The following CRACR2A variants were observed in gnomAD, a reference collection of about 807,000 sequenced individuals.
CRACR2A encodes the protein calcium release activated channel regulator 2A.
Under a neutral mutation model 90.5 loss-of-function variants are expected in CRACR2A, and 79 were observed. That is an observed-to-expected ratio of 0.87 (90% CI 0.73 to 1.05). The LOEUF (loss-of-function observed/expected upper bound fraction) is 1.05. Among genes scored for constraint, CRACR2A ranks in the 50% least tolerant of loss-of-function variants. The pLI is 0.00. For missense variants in CRACR2A, 823 were observed against 897.2 expected, an observed-to-expected ratio of 0.92 and a Z score of 1.06; for synonymous variants, 338 against 356.7, an observed-to-expected ratio of 0.95 and a Z score of 0.59.
intron 1 of CRACR2A, among the ~76,000 whole-genome samples, chr12:3,740,699 G>A (rs1946511157): frequency 6.6e-6 from 1 of 152,150 alleles, no homozygotes. Context: ...CATCAACAGA[G>A]AGATCATCTC....
At chr12:3,660,560 C>T (rs961947801) in intron 7 of CRACR2A, among the ~76,000 whole-genome samples, 3 of 152,012 alleles carry the variant, frequency 2.0e-5, no homozygotes, top group Non-Finnish European at 4.4e-5. Context: ...TTTTCTGCTT[C>T]CCCCCTCTCC....
At chr12:3,705,446 C>T (rs1016768902) in intron 3 of CRACR2A, among the ~76,000 whole-genome samples, 4 of 152,362 alleles carry the variant, frequency 2.6e-5, no homozygotes, top group Middle Eastern at 3.4e-3. Context: ...TCTCCTTCCA[C>T]ACCACACCAG....
intron 2 of CRACR2A, among the ~76,000 whole-genome samples, chr12:3,722,393 A>G (rs1278767832): frequency 2.0e-5 from 3 of 152,220 alleles, no homozygotes; most frequent in Non-Finnish European, 4.4e-5. Context: ...CAGAAAGTTT[A>G]GGTAACCCAC....
At chr12:3,645,876 G>GT in intron 11 of CRACR2A, among the ~76,000 whole-genome samples, 1 of 152,188 alleles carries the variant, frequency 6.6e-6, no homozygotes, top group Non-Finnish European at 1.5e-5. Flanking sequence ...ACATTTGTAG[G>GT]TATCTTCAAA....
intron 11 of CRACR2A, among the ~76,000 whole-genome samples, chr12:3,646,882 C>G (rs903860768): frequency 1.3e-5 from 2 of 152,188 alleles, no homozygotes; most frequent in African/African-American, 4.8e-5. Flanking sequence ...GTTTGCATCG[C>G]TGCTCTACTG....
chr12:3,733,336 C>T (rs557790526), intron 1 of CRACR2A, 126 bp from the exon 2 acceptor site: 1 of 152,426 alleles, frequency 6.6e-6, no homozygotes, highest in South Asian at 2.1e-4. Context: ...TTTATCCTTT[C>T]CTCCTTTCTA....
intron 1 of CRACR2A, among the ~76,000 whole-genome samples, chr12:3,733,988 T>TTTTTTTTTTTG (rs10650778): frequency 6.7e-6 from 1 of 148,314 alleles, no homozygotes; most frequent in Non-Finnish European, 1.5e-5. Context: ...TTTTTTTTTT[T>TTTTTTTTTTTG]GAGATGGAGT....
intron 11 of CRACR2A, 32 bp downstream of exon 11, chr12:3,648,510 C>A: frequency 1.2e-6 from 2 of 1,614,074 alleles, no homozygotes; most frequent in East Asian, 2.2e-5. Flanking sequence ...CTGGGAGGTG[C>A]TCTCAGCACA....
intron 4 of CRACR2A, 49 bp from the exon 5 acceptor site, chr12:3,680,398 G>C (rs371647110): frequency 1.4e-5 from 21 of 1,529,952 alleles, no homozygotes; most frequent in Admixed American, 1.7e-5. Context: ...TCACTGGTGG[G>C]GGAGGTGACC....
chr12:3,666,330 C>CGTATGTGTGTGTGTGTGT (rs1945136688), intron 7 of CRACR2A, among the ~76,000 whole-genome samples: 1 of 139,582 alleles, frequency 7.2e-6, no homozygotes, highest in African/African-American at 2.7e-5. Context: ...AGGACGGCTG[C>CGTATGTGTGTGTGTGTGT]GTGTGTGTGT....
rs142761888 is a variant in CRACR2A, at chr12:3,708,846, C to T, written c.-37+4391G>A. ...GACAACATTTTGTATATTTTCTATGCGATATATTCTCCCAGTTCCAAACCT... is the reference window on the plus strand; with the variant it reads ...GACAACATTTTGTATATTTTCTATGTGATATATTCTCCCAGTTCCAAACCT... On this transcript the variant is annotated intron_variant, in intron 3 of 19. Transcript: ENST00000440314. 2.0e-3 allele frequency among the ~76,000 whole-genome samples: 297 copies of T among 152,278 alleles called. 5 individuals are homozygous for T. In the East Asian group the frequency reaches 0.035, roughly 18 times the overall value.
chr12:3,674,359 G>A lies in CRACR2A; in HGVS notation c.525-767C>T, dbSNP rs1945304462. On this transcript the variant is annotated intron_variant, in intron 6 of 19. Coordinates refer to ENST00000440314, the MANE Select transcript of CRACR2A (RefSeq NM_001144958.2). Reference sequence around the variant, plus strand: ...CCAATAGACAAAGGCACAGAGGCACGTGTGTACACAGCTCAGTGACAGAGA... The same window carrying A: ...CCAATAGACAAAGGCACAGAGGCACATGTGTACACAGCTCAGTGACAGAGA... Among the ~76,000 whole-genome samples, 4 of 152,186 alleles carry A rather than the reference G, an allele frequency of 2.6e-5. No individual in the cohort carries two copies. The South Asian group carries it at 6.2e-4, about 24-fold the overall frequency.
intron 12 of CRACR2A, among the ~76,000 whole-genome samples, chr12:3,643,356 C>A (rs1218448131): frequency 1.3e-5 from 2 of 152,154 alleles, no homozygotes; most frequent in African/African-American, 4.8e-5. Flanking sequence ...AGGGTGCAAT[C>A]CACATCATCC....
chr12:3,672,713 C>A (rs981225956), intron 7 of CRACR2A: 5 of 982,776 alleles, frequency 5.1e-6, no homozygotes, highest in Non-Finnish European at 6.0e-6. Context: ...GGGCTTGCCC[C>A]AGTTTTGTGA....
chr12:3,752,381 C>G, intron 1 of CRACR2A: 1 of 149,724 alleles, frequency 6.7e-6, no homozygotes, highest in African/African-American at 2.6e-5. Context: ...GACACACACA[C>G]ACACGGACAC....
At chr12:3,706,283 G>A (rs182124072) in intron 3 of CRACR2A, among the ~76,000 whole-genome samples, 8 of 152,318 alleles carry the variant, frequency 5.3e-5, no homozygotes, top group East Asian at 1.9e-4. Context: ...GCTGAGCTGC[G>A]TCTCACAGGG....
chr12:3,714,238 G>A (rs1024686093), intron 2 of CRACR2A, among the ~76,000 whole-genome samples: 2 of 152,154 alleles, frequency 1.3e-5, no homozygotes, highest in Non-Finnish European at 2.9e-5. Context: ...AGGTGCCAAA[G>A]GCAGCAACAG....
intron 7 of CRACR2A, among the ~76,000 whole-genome samples, chr12:3,665,873 A>C (rs1298822019): frequency 6.6e-6 from 1 of 152,224 alleles, no homozygotes; most frequent in Non-Finnish European, 1.5e-5. Flanking sequence ...ACTCTGGGCA[A>C]AATATTTTCG....
chr12:3,733,644 G>A, intron 1 of CRACR2A, among the ~76,000 whole-genome samples: 1 of 152,164 alleles, frequency 6.6e-6, no homozygotes. Flanking sequence ...CCGGGCCCTT[G>A]ATGACATCGT....
Sources: allele counts gnomAD v4.1 joint callset (sites outside exome capture counted in the v4.1 genomes callset), GRCh38; gene constraint gnomAD v4.1.1; transcripts MANE v1.5; gene names NCBI Gene and HGNC (gene_info 2026-07-23, HGNC 2026-07-21).